TCEA3: variants seen among roughly 807,000 people sequenced by gnomAD.
The protein encoded by TCEA3 is transcription elongation factor A protein 3.
A neutral mutation model predicts 44.0 loss-of-function variants in TCEA3; 36 were observed. That is an observed-to-expected ratio of 0.82 (90% CI 0.63 to 1.08). TCEA3 has a LOEUF of 1.08. Ranked by LOEUF, TCEA3 falls within the 50% of genes least tolerant of loss-of-function variation. TCEA3 has a pLI of 0.00. For synonymous variants in TCEA3, 162 were observed against 159.7 expected, an observed-to-expected ratio of 1.01 and a Z score of -0.11; for missense variants, 392 against 441.2, an observed-to-expected ratio of 0.89 and a Z score of 1.00.
At chr1:23,392,325 T>G (rs1207363514) in intron 8 of TCEA3, among the ~76,000 whole-genome samples, 1 of 56,272 alleles carries the variant, frequency 1.8e-5, no homozygotes, top group African/African-American at 6.3e-5. Context: ...ACACACATAC[T>G]TCACATGACA....
intron 7 of TCEA3, among the ~76,000 whole-genome samples, chr1:23,395,868 AG>A (rs1639201834): frequency 6.6e-6 from 1 of 151,642 alleles, no homozygotes; most frequent in Non-Finnish European, 1.5e-5. Flanking sequence ...GATGGAGGAA[AG>A]GCTGGGAGTG....
intron 5 of TCEA3, chr1:23,404,304 T>A: frequency 1.5e-6 from 1 of 658,736 alleles, no homozygotes; most frequent in Non-Finnish European, 2.8e-6. Flanking sequence ...CACTCCCACT[T>A]CCACACCTTT....
intron 1 of TCEA3, chr1:23,423,719 A>G (rs1233002533): frequency 2.2e-6 from 1 of 455,838 alleles, no homozygotes; most frequent in Non-Finnish European, 4.4e-6. Context: ...CCAGGACCCA[A>G]GGCCAAATTT....
intron 8 of TCEA3, 91 bp downstream of exon 8, chr1:23,393,787 TG>T: frequency 1.3e-6 from 2 of 1,486,896 alleles, no homozygotes; most frequent in Non-Finnish European, 1.8e-6. Flanking sequence ...CCTGGCTCAC[TG>T]CTGATGAGTC....
chr1:23,391,215 C>T (rs556932561), intron 8 of TCEA3, among the ~76,000 whole-genome samples: 55 of 143,504 alleles, frequency 3.8e-4, no homozygotes, highest in African/African-American at 1.4e-3. Context: ...TGGGTTCAAG[C>T]GATTCTCCTG....
intron 4 of TCEA3, among the ~76,000 whole-genome samples, chr1:23,416,792 C>T (rs1266072059): frequency 1.3e-5 from 2 of 152,278 alleles, no homozygotes; most frequent in African/African-American, 4.8e-5. Flanking sequence ...GCGCCAGGTG[C>T]AATGAATCTT....
In TCEA3 at chr1:23,417,958, T is replaced by C. The variant is rs751887909; in HGVS notation, c.184A>G (p.Lys62Glu). The change falls in exon 3 of 11, where the codon AAG becomes GAG. Residue 62 changes from lysine to glutamate, a missense_variant. Physicochemically the swap from Lys to Glu is moderately conservative, Grantham distance 56. Coordinates refer to ENST00000450454, the MANE Select transcript of TCEA3 (RefSeq NM_003196.3). ...ACTTTGGCCAAGGACACCACCTCCT[T>C]GTCTGAGCAGTGCTTGCGGACCCCA... is the stretch of plus-strand genomic sequence containing the variant. ...VNGVRKHCSD[K>E]EVVSLAKVLI... 6.2e-7 allele frequency: 1 copy of C among 1,614,076 alleles called. No homozygotes were observed. Among genetic ancestry groups the C allele is most frequent in the East Asian group, 2.2e-5 (1 of 44,894 alleles).
At chr1:23,400,291 G>A (rs144362484) in intron 5 of TCEA3, among the ~76,000 whole-genome samples, 106 of 151,448 alleles carry the variant, frequency 7.0e-4, no homozygotes, top group Admixed American at 4.8e-3. Context: ...CTGCAATCTC[G>A]AACTCCTGGG....
At chr1:23,394,084 G>A in intron 7 of TCEA3, 51 bp from the exon 8 acceptor site, 2 of 1,604,550 alleles carry the variant, frequency 1.2e-6, no homozygotes, top group Non-Finnish European at 1.7e-6. Flanking sequence ...ACAGAAGGGT[G>A]CAGGCCTGGC....
intron 5 of TCEA3, among the ~76,000 whole-genome samples, chr1:23,400,401 G>C (rs1364788526): frequency 7.5e-6 from 1 of 132,938 alleles, no homozygotes; most frequent in South Asian, 2.5e-4. Flanking sequence ...AGAAATGGGG[G>C]TCTCAATATG....
intron 1 of TCEA3, among the ~76,000 whole-genome samples, chr1:23,422,581 C>G (rs1640096178): frequency 6.6e-6 from 1 of 152,140 alleles, no homozygotes; most frequent in South Asian, 2.1e-4. Flanking sequence ...CTTTCACTCC[C>G]AGAGCAGGCC....
intron 4 of TCEA3, among the ~76,000 whole-genome samples, chr1:23,412,383 T>C (rs1469053063): frequency 1.9e-5 from 2 of 106,756 alleles, no homozygotes; most frequent in Admixed American, 1.9e-4. Flanking sequence ...CTGGGCAACA[T>C]GGTGAGACTC....
rs60424866 is a variant in TCEA3, at chr1:23,399,144, GTATATA to G, written c.444-1195_444-1190del. The stretch of plus-strand genomic sequence containing the variant: ...GTTTTGTTTATATATATGTATATAT[GTATATA>G]TATATATATATATATATATATATAT... On this transcript the variant is annotated intron_variant, in intron 5 of 10. Coordinates refer to ENST00000450454, the MANE Select transcript of TCEA3 (RefSeq NM_003196.3). Among the ~76,000 whole-genome samples the G allele has an allele frequency of 2.5e-3, 154 of 61,144 alleles. 2 individuals are homozygous for G. The highest frequency in any genetic ancestry group is 6.5e-3 in the African/African-American group (113 of 17,492). The allele number at this position is 61,144 out of a possible 152,430, so 40.1% of individuals were successfully genotyped here. A position where few individuals can be genotyped will look rare whatever the true frequency, so the allele number is the denominator to read the frequency against.
intron 10 of TCEA3, 131 bp from the exon 11 acceptor site, chr1:23,381,605 T>C: frequency 1.4e-6 from 1 of 709,238 alleles, no homozygotes; most frequent in Non-Finnish European, 2.6e-6. Context: ...GCTCTGCCAT[T>C]ATTAGCTGTG....
chr1:23,410,387 T>C (rs989271373), intron 4 of TCEA3, among the ~76,000 whole-genome samples: 4 of 152,088 alleles, frequency 2.6e-5, no homozygotes, highest in Admixed American at 6.5e-5. Flanking sequence ...ATGACTGTTA[T>C]GAAAACTGTT....
At chr1:23,400,455 C>T (rs1205877176) in intron 5 of TCEA3, among the ~76,000 whole-genome samples, 1 of 146,728 alleles carries the variant, frequency 6.8e-6, no homozygotes, top group Non-Finnish European at 1.5e-5. Flanking sequence ...GTGATCCATT[C>T]GCCTTGGCCT....
intron 7 of TCEA3, 25 bp downstream of exon 7, chr1:23,397,520 C>G: frequency 6.2e-7 from 1 of 1,611,274 alleles, no homozygotes; most frequent in Non-Finnish European, 8.5e-7. Flanking sequence ...CAGACACCCA[C>G]AGCCCCGGCA....
At chr1:23,407,639 T>C (rs951092362) in intron 5 of TCEA3, among the ~76,000 whole-genome samples, 1 of 152,058 alleles carries the variant, frequency 6.6e-6, no homozygotes, top group African/African-American at 2.4e-5. Context: ...ATGAATATCC[T>C]TCCCCGATCC....
intron 7 of TCEA3, 134 bp downstream of exon 7, chr1:23,397,411 C>T: frequency 1.3e-6 from 1 of 744,296 alleles, no homozygotes; most frequent in South Asian, 1.9e-5. Flanking sequence ...ATTAAGAACT[C>T]TGGTTCAGGG....
Sources: gnomAD v4.1 joint callset for allele counts (sites outside exome capture counted in the v4.1 genomes callset) on GRCh38, gnomAD v4.1.1 for gene constraint, MANE v1.5 for transcripts, NCBI Gene and HGNC (gene_info 2026-07-23, HGNC 2026-07-21) for gene names.